The following PRIM2 variants were observed in gnomAD, a reference collection of about 807,000 sequenced individuals.
PRIM2 encodes the protein DNA primase subunit 2, also known as DNA primase large subunit.
In PRIM2, 39 loss-of-function variants were observed where a neutral mutation model predicts 67.3. The observed-to-expected ratio is 0.58, with a 90% CI of 0.45 to 0.76. PRIM2 has a LOEUF of 0.76. Ranked by LOEUF, PRIM2 falls within the 30% of genes least tolerant of loss-of-function variation. The pLI, the probability that PRIM2 is intolerant of heterozygous loss-of-function variation, is 0.00. For missense variants in PRIM2, 398 were observed against 598.7 expected, an observed-to-expected ratio of 0.66 and a Z score of 3.50; for synonymous variants, 143 against 198.7, an observed-to-expected ratio of 0.72 and a Z score of 2.36.
chr6:57,367,481 A>G (rs542619125), intron 5 of PRIM2, among the ~76,000 whole-genome samples: 1 of 152,344 alleles, frequency 6.6e-6, no homozygotes, highest in South Asian at 2.1e-4. Flanking sequence ...CTCCAAACCT[A>G]AAACAACAAT....
At chr6:57,253,586 G>A in the PRIM2 span, among the ~76,000 whole-genome samples, 1 of 151,996 alleles carries the variant, frequency 6.6e-6, no homozygotes, top group Non-Finnish European at 1.5e-5. Context: ...TCTCTTGGTG[G>A]TTTTCATGAT....
At chr6:57,342,552 A>G (rs868170871) in intron 5 of PRIM2, among the ~76,000 whole-genome samples, 6 of 152,202 alleles carry the variant, frequency 3.9e-5, no homozygotes, top group African/African-American at 7.2e-5. Context: ...GATGCTTTTT[A>G]AAACCTCCTT....
At chr6:57,301,007 G>A in the PRIM2 span, among the ~76,000 whole-genome samples, 1 of 152,188 alleles carries the variant, frequency 6.6e-6, no homozygotes, top group Non-Finnish European at 1.5e-5. Context: ...AAAGGTCTTT[G>A]TTGTAAAAAC....
Position 57,320,566 on chromosome 6 carries a change from TAAA to T in PRIM2, c.258+10_258+12del, listed in dbSNP as rs1767620539. On this transcript the variant is annotated splice_region_variant and intron_variant, in intron 3 of 13. Transcript: ENST00000615550. ...AGCTCAAGTTTTCCTACAGAGTAAG[TAAA>T]AAAGGAAAAAAAAGTTCCTTCAGTT... 1 of 1,571,786 alleles carries T rather than the reference TAAA, an allele frequency of 6.4e-7. No individual in the cohort carries two copies. Among genetic ancestry groups the T allele is most frequent in the Non-Finnish European group, 8.6e-7 (1 of 1,161,222 alleles).
intron 7 of PRIM2, among the ~76,000 whole-genome samples, chr6:57,468,549 T>A (rs2127400719): frequency 6.6e-6 from 1 of 152,308 alleles, no homozygotes; most frequent in South Asian, 2.1e-4. Context: ...TATTGAAAAT[T>A]TTTGCATCGA....
intron 7 of PRIM2, among the ~76,000 whole-genome samples, chr6:57,420,269 C>T (rs1401858096): frequency 3.9e-5 from 6 of 152,098 alleles, no homozygotes; most frequent in Non-Finnish European, 7.3e-5. Context: ...CTTTGGGAGG[C>T]CAAGGCGGGT....
At chr6:57,598,277 C>T (rs1371016380) in intron 10 of PRIM2, among the ~76,000 whole-genome samples, 50 of 152,276 alleles carry the variant, frequency 3.3e-4, no homozygotes, top group Middle Eastern at 3.4e-3. Context: ...AAAGTGGCAA[C>T]GTTTGTCTTT....
intron 7 of PRIM2, among the ~76,000 whole-genome samples, chr6:57,397,250 C>T (rs1770545882): frequency 6.6e-6 from 1 of 152,034 alleles, no homozygotes; most frequent in African/African-American, 2.4e-5. Context: ...TTATTATTTC[C>T]CCAAATATGT....
upstream of PRIM2, among the ~76,000 whole-genome samples, chr6:57,310,153 C>G (rs1007812115): frequency 1.3e-5 from 2 of 152,148 alleles, no homozygotes; most frequent in African/African-American, 4.8e-5. Flanking sequence ...AGACACTTCT[C>G]AAAAGAAGAC....
intron 7 of PRIM2, among the ~76,000 whole-genome samples, chr6:57,394,041 A>G (rs1269596094): frequency 6.6e-6 from 1 of 152,164 alleles, no homozygotes; most frequent in African/African-American, 2.4e-5. Flanking sequence ...TTATACCAGT[A>G]CCATGCTGTT....
At chr6:57,467,994 G>A (rs1773246041) in intron 7 of PRIM2, among the ~76,000 whole-genome samples, 2 of 152,176 alleles carry the variant, frequency 1.3e-5, no homozygotes, top group Non-Finnish European at 2.9e-5. Context: ...AGACTTTGCT[G>A]AAGTTGCTCA....
At chr6:57,320,617 G>T (rs1767622869) in intron 3 of PRIM2, 57 bp downstream of exon 3, 1 of 1,056,246 alleles carries the variant, frequency 9.5e-7, no homozygotes, top group Admixed American at 2.4e-5. Flanking sequence ...TGTATTGAGT[G>T]TCACTTGTGG....
the PRIM2 span, among the ~76,000 whole-genome samples, chr6:57,288,918 C>T: frequency 6.6e-6 from 1 of 152,160 alleles, no homozygotes; most frequent in Non-Finnish European, 1.5e-5. Flanking sequence ...CACAGCTCCT[C>T]GCCAGCAAGG....
chr6:57,541,523 T>C (rs1457134770), intron 10 of PRIM2, among the ~76,000 whole-genome samples: 2 of 152,220 alleles, frequency 1.3e-5, no homozygotes, highest in African/African-American at 2.4e-5. Context: ...GTAAGGCTTA[T>C]GGTCAACAGT....
intron 11 of PRIM2, among the ~76,000 whole-genome samples, chr6:57,602,732 T>C (rs1186167640): frequency 6.6e-6 from 1 of 152,240 alleles, no homozygotes; most frequent in Non-Finnish European, 1.5e-5. Context: ...CAGTGCTTTA[T>C]GTTACTATTT....
chr6:57,365,041 AT>A (rs1415309329), intron 5 of PRIM2, among the ~76,000 whole-genome samples: 1 of 152,106 alleles, frequency 6.6e-6, no homozygotes, highest in Non-Finnish European at 1.5e-5. Flanking sequence ...CCCTTAACAT[AT>A]TCTGAGCCTC....
At chr6:57,578,620 CT>C (rs1473152920) in intron 10 of PRIM2, among the ~76,000 whole-genome samples, 1 of 150,894 alleles carries the variant, frequency 6.6e-6, no homozygotes, top group African/African-American at 2.4e-5. Flanking sequence ...ACTGGGAGCT[CT>C]TTCAGATTGG....
intron 13 of PRIM2, among the ~76,000 whole-genome samples, chr6:57,641,018 A>G (rs1468200540): frequency 6.6e-6 from 1 of 152,156 alleles, no homozygotes; most frequent in East Asian, 1.9e-4. Flanking sequence ...CCACAACAGC[A>G]TGGTACTGGT....
At chr6:57,257,429 G>A in the PRIM2 span, among the ~76,000 whole-genome samples, 84 of 152,120 alleles carry the variant, frequency 5.5e-4, no homozygotes, top group African/African-American at 2.0e-3. Context: ...CCACCACCAA[G>A]CCCGGCTAAT....
Sources: allele counts gnomAD v4.1 joint callset (sites outside exome capture counted in the v4.1 genomes callset), GRCh38; gene constraint gnomAD v4.1.1; transcripts MANE v1.5; gene names NCBI Gene and HGNC (gene_info 2026-07-23, HGNC 2026-07-21).